Variants in PARD3B observed in about 807,000 individuals in gnomAD.
PARD3B encodes the protein par-3 family cell polarity regulator beta.
In PARD3B, 103 loss-of-function variants were observed where a neutral mutation model predicts 130.2. The ratio of observed to expected loss-of-function variants is 0.79; its 90% CI spans 0.67 to 0.93. The LOEUF (loss-of-function observed/expected upper bound fraction) is 0.93, where lower values mean the gene tolerates loss of function less well. Among genes scored for constraint, PARD3B ranks in the 40% least tolerant of loss-of-function variants. PARD3B has a pLI of 0.00. For missense variants in PARD3B, 1,609 were observed against 1,499.2 expected, an observed-to-expected ratio of 1.07 and a Z score of -1.21; for synonymous variants, 583 against 553.2, an observed-to-expected ratio of 1.05 and a Z score of -0.76.
At chr2:205,431,536 C>T (rs1336796576) in intron 19 of PARD3B, among the ~76,000 whole-genome samples, 7 of 151,772 alleles carry the variant, frequency 4.6e-5, no homozygotes, top group Admixed American at 3.9e-4. Context: ...GTGGCGCTAT[C>T]TCTGCTCACC....
rs1203631784 is a variant in PARD3B at position 205,616,590 on chromosome 2, T to C, written c.*777T>C. 6.6e-6 allele frequency: 1 copy of C among 151,714 alleles called. No homozygotes were observed. Among genetic ancestry groups the C allele is most frequent in the Non-Finnish European group, 1.5e-5 (1 of 67,976 alleles). The allele number at this position is 151,714 out of a possible 1,614,324, so 9.4% of individuals were successfully genotyped here. A position where few individuals can be genotyped will look rare whatever the true frequency, so the allele number is the denominator to read the frequency against. On this transcript the variant is annotated 3_prime_UTR_variant, in exon 23 of 23. Coordinates refer to ENST00000406610, the MANE Select transcript of PARD3B (RefSeq NM_001302769.2). ...GACTAAGGTGATCAGGTTAAGAGGG[T>C]TCAACATCCCACGGCCCTCACCTTC...
At chr2:204,695,647 A>T (rs559198899) in intron 2 of PARD3B, among the ~76,000 whole-genome samples, 1 of 152,082 alleles carries the variant, frequency 6.6e-6, no homozygotes, top group East Asian at 1.9e-4. Context: ...ACTGTGATGT[A>T]TCACACAAAT....
chr2:204,844,509 C>G (rs971795139), intron 2 of PARD3B, among the ~76,000 whole-genome samples: 1 of 152,122 alleles, frequency 6.6e-6, no homozygotes, highest in South Asian at 2.1e-4. Context: ...AAGAAATGCT[C>G]TCACAGATGT....
chr2:205,244,875 G>A lies in PARD3B; in HGVS notation c.2141-903G>A, dbSNP rs1310319120. Among the ~76,000 whole-genome samples the A allele has an allele frequency of 6.6e-6, 1 of 152,064 alleles. No individual in the cohort carries two copies. The highest frequency in any genetic ancestry group is 2.4e-5 in the African/African-American group (1 of 41,388). On this transcript the variant is annotated intron_variant, in intron 15 of 22. Transcript: ENST00000406610. This position sits in a 1 kb window ranked among gnomAD's most constrained non-coding sequence, Gnocchi z 4.7. ...CTTCAGTTATGAAGTTTTCTACTCT[G>A]GCTGTTGGAAATAGGCACTATTCCC...
chr2:205,519,081 T>G (rs1289637724), intron 21 of PARD3B, among the ~76,000 whole-genome samples: 2 of 152,204 alleles, frequency 1.3e-5, no homozygotes, highest in Non-Finnish European at 2.9e-5. Context: ...GATTTTCTTA[T>G]GTAGAATCTT....
At chr2:205,027,395 T>C (rs1697111377) in intron 3 of PARD3B, among the ~76,000 whole-genome samples, 1 of 152,198 alleles carries the variant, frequency 6.6e-6, no homozygotes, top group Non-Finnish European at 1.5e-5. Flanking sequence ...CCTTTGCCCA[T>C]TATTAAATCT....
chr2:205,444,966 A>G (rs2047855471), intron 20 of PARD3B, among the ~76,000 whole-genome samples: 1 of 142,066 alleles, frequency 7.0e-6, no homozygotes, highest in African/African-American at 3.1e-5. Context: ...GAGAATTATA[A>G]TGAGAAGAGA....
chr2:205,211,869 A>G (rs2037655021), intron 15 of PARD3B, among the ~76,000 whole-genome samples: 1 of 152,148 alleles, frequency 6.6e-6, no homozygotes, highest in South Asian at 2.1e-4. Context: ...AAGAATTGTG[A>G]GAGCCTGAAA....
rs1382783905 is a variant in PARD3B, at chr2:204,806,383, T to C, written c.222+120101T>C. ...TTGACAAAGGTACCAAGAACATACA[T>C]TGGGGAAAAGATAGTCTTCAATAAA... On this transcript the variant is annotated intron_variant, in intron 2 of 22. Coordinates refer to ENST00000406610, the MANE Select transcript of PARD3B (RefSeq NM_001302769.2). Among the ~76,000 whole-genome samples the C allele has an allele frequency of 2.0e-5, 3 of 151,898 alleles. No individual in the cohort carries two copies. The East Asian group carries it at 5.8e-4, about 29-fold the overall frequency.
intron 1 of PARD3B, among the ~76,000 whole-genome samples, chr2:204,579,811 G>T (rs2032458967): frequency 6.6e-6 from 1 of 152,176 alleles, no homozygotes; most frequent in African/African-American, 2.4e-5. Flanking sequence ...GGCTACAATA[G>T]CTTAGATTAC....
At chr2:204,804,204 A>G (rs1480258568) in intron 2 of PARD3B, among the ~76,000 whole-genome samples, 1 of 152,120 alleles carries the variant, frequency 6.6e-6, no homozygotes, top group Non-Finnish European at 1.5e-5. Flanking sequence ...ACTCCAGCCT[A>G]GGCGACAGAG....
At chr2:204,845,009 A>C (rs187916313) in intron 2 of PARD3B, among the ~76,000 whole-genome samples, 3 of 152,314 alleles carry the variant, frequency 2.0e-5, no homozygotes, top group East Asian at 3.9e-4. Flanking sequence ...TTTTCAAGAT[A>C]TAACCTCTCA....
At chr2:205,222,759 GA>G (rs1243281786) in intron 15 of PARD3B, among the ~76,000 whole-genome samples, 1 of 152,046 alleles carries the variant, frequency 6.6e-6, no homozygotes, top group Non-Finnish European at 1.5e-5. Flanking sequence ...TTTACAATTT[GA>G]GTGGTAAACA....
At chr2:205,600,471 T>C (rs532178560) in intron 22 of PARD3B, among the ~76,000 whole-genome samples, 1 of 152,170 alleles carries the variant, frequency 6.6e-6, no homozygotes, top group Non-Finnish European at 1.5e-5. Context: ...GTTGGTGGTG[T>C]TGTTGTTAAC....
rs1184234722 is a variant in PARD3B, at chr2:205,047,704, T to G, written c.504+14T>G. 3.3e-6 allele frequency: 5 copies of G among 1,502,318 alleles called. No homozygotes were observed. In the South Asian group the frequency reaches 6.0e-5, roughly 18 times the overall value. 93.1% of individuals were successfully genotyped at this position (1,502,318 alleles called of 1,614,324 possible). On this transcript the variant is annotated intron_variant, in intron 4 of 22. Transcript: ENST00000406610. ...CTGGTTGTTCCAGTAGGTATCCTGC[T>G]GCTTGTAGTTCTAATGAAAGATCAA...
intron 3 of PARD3B, among the ~76,000 whole-genome samples, chr2:205,016,555 CAG>C (rs972100290): frequency 1.3e-5 from 2 of 152,168 alleles, no homozygotes; most frequent in African/African-American, 2.4e-5. Context: ...AAACGTTAAG[CAG>C]AACCTCAACA....
intron 18 of PARD3B, among the ~76,000 whole-genome samples, chr2:205,365,850 A>G (rs1574820027): frequency 6.6e-6 from 1 of 152,186 alleles, no homozygotes; most frequent in South Asian, 2.1e-4. Context: ...AAGAAAAATG[A>G]CAACTGCCTA....
intron 2 of PARD3B, among the ~76,000 whole-genome samples, chr2:204,838,727 A>T (rs1020515986): frequency 6.6e-6 from 1 of 152,192 alleles, no homozygotes; most frequent in Non-Finnish European, 1.5e-5. Context: ...TCTTTCTAGC[A>T]TACAGAAAAG....
At chr2:205,108,844 A>G (rs4675499) in intron 5 of PARD3B, among the ~76,000 whole-genome samples, 102,027 of 151,968 alleles carry the variant, frequency 0.67, 35,399 homozygotes, top group Admixed American at 0.78. Flanking sequence ...ACAAGTTATT[A>G]AACTCTCTAA....
Sources: allele counts gnomAD v4.1 joint callset (sites outside exome capture counted in the v4.1 genomes callset), GRCh38; gene constraint gnomAD v4.1.1; non-coding constraint Gnocchi (gnomAD v3.1); transcripts MANE v1.5; gene names NCBI Gene and HGNC (gene_info 2026-07-23, HGNC 2026-07-21).